The following BBS9 variants were observed in gnomAD, a reference collection of about 807,000 sequenced individuals.
The protein encoded by BBS9 is protein PTHB1.
In BBS9, 89 loss-of-function variants were observed where a neutral mutation model predicts 117.7. The observed-to-expected ratio is 0.76, with a 90% CI of 0.64 to 0.90. The LOEUF (loss-of-function observed/expected upper bound fraction) is 0.90. Among genes scored for constraint, BBS9 ranks in the 40% least tolerant of loss-of-function variants. The probability of loss-of-function intolerance (pLI) is 0.00; values close to 1 mark genes in which losing one functional copy is unlikely to be tolerated. For synonymous variants in BBS9, 379 were observed against 370.9 expected (o/e 1.02, Z -0.25); for missense variants, 982 against 1,042.2 (o/e 0.94, Z 0.80).
intron 4 of BBS9, among the ~76,000 whole-genome samples, chr7:33,164,922 A>G (rs1310978679): frequency 6.6e-6 from 1 of 152,110 alleles, no homozygotes; most frequent in African/African-American, 2.4e-5. Context: ...TCTTCCTAGC[A>G]TCGATGGTCT....
intron 21 of BBS9, among the ~76,000 whole-genome samples, chr7:33,569,687 G>A (rs770000431): frequency 2.0e-5 from 3 of 151,946 alleles, no homozygotes; most frequent in African/African-American, 4.8e-5. Context: ...GCGTGAACCC[G>A]GGAGGAGGAA....
At chr7:33,489,809 T>G (rs1341584445) in intron 19 of BBS9, among the ~76,000 whole-genome samples, 1 of 152,210 alleles carries the variant, frequency 6.6e-6, no homozygotes, top group Non-Finnish European at 1.5e-5. Flanking sequence ...TCATGAACGC[T>G]TCCACTATGA....
At chr7:33,266,978 C>T (rs1357046072) in intron 7 of BBS9, among the ~76,000 whole-genome samples, 4 of 152,168 alleles carry the variant, frequency 2.6e-5, no homozygotes, top group Admixed American at 2.0e-4. Flanking sequence ...CTCTTGACCT[C>T]GTGATCCGCC....
intron 13 of BBS9, among the ~76,000 whole-genome samples, chr7:33,350,321 T>C (rs1430910177): frequency 6.6e-6 from 1 of 152,050 alleles, no homozygotes; most frequent in African/African-American, 2.4e-5. Context: ...AATAAACGAT[T>C]GAGTGAAGTA....
intron 21 of BBS9, among the ~76,000 whole-genome samples, chr7:33,545,499 A>G (rs1853158672): frequency 6.6e-6 from 1 of 152,088 alleles, no homozygotes; most frequent in African/African-American, 2.4e-5. Flanking sequence ...TGTGTTCGGG[A>G]CAGGAGGGTC....
intron 19 of BBS9, among the ~76,000 whole-genome samples, chr7:33,403,974 C>A (rs1176370387): frequency 6.6e-6 from 1 of 152,108 alleles, no homozygotes; most frequent in Non-Finnish European, 1.5e-5. Flanking sequence ...CTCTCCAGCA[C>A]CTGTTGTTTC....
Position 33,264,277 on chromosome 7 carries a change from T to G in BBS9, c.618-13T>G. ...TAAACTCATTTATAATTTTTTAAAT[T>G]TCTTTCATACAGGTACCAGGTACTT... On this transcript the variant is annotated splice_polypyrimidine_tract_variant and intron_variant, in intron 6 of 22. Coordinates refer to ENST00000242067, the MANE Select transcript of BBS9 (RefSeq NM_198428.3). The G allele has an allele frequency of 7.0e-7, 1 of 1,426,634 alleles. No homozygotes were observed. The highest frequency in any genetic ancestry group is 9.3e-7 in the Non-Finnish European group (1 of 1,069,992). 88.4% of individuals were successfully genotyped at this position (1,426,634 alleles called of 1,614,324 possible).
intron 5 of BBS9, among the ~76,000 whole-genome samples, chr7:33,219,210 C>T (rs925710495): frequency 7.9e-5 from 12 of 152,324 alleles, no homozygotes; most frequent in East Asian, 1.9e-4. Context: ...GCTGCCTTCC[C>T]GTGGGGCAGG....
rs923185017 is a variant in BBS9, at chr7:33,573,432, T to G, written c.2522-31433T>G. ...TGAAATATACTCTTTTGCACTTTGA[T>G]TTTGCAGGGTAACAGTGTACCCTAG... On this transcript the variant is annotated intron_variant, in intron 21 of 22. Transcript: ENST00000242067. 7.9e-5 allele frequency among the ~76,000 whole-genome samples: 12 copies of G among 152,274 alleles called. 1 individual carries two copies. The highest frequency in any genetic ancestry group is 7.2e-4 in the Admixed American group (11 of 15,278).
chr7:33,540,926 G>A (rs568943441), intron 21 of BBS9, among the ~76,000 whole-genome samples: 1 of 152,092 alleles, frequency 6.6e-6, no homozygotes, highest in African/African-American at 2.4e-5. Flanking sequence ...CCATAATTTC[G>A]CACTTTGCTT....
Position 33,326,187 on chromosome 7 carries a change from G to C in BBS9, c.1017-10254G>C, listed in dbSNP as rs1201209684. Among the ~76,000 whole-genome samples the C allele has an allele frequency of 1.8e-4, 27 of 151,920 alleles. 1 individual carries two copies. Among genetic ancestry groups the C allele is most frequent in the Admixed American group, 1.8e-3 (27 of 15,258 alleles). On this transcript the variant is annotated intron_variant, in intron 9 of 22. Coordinates refer to ENST00000242067, the MANE Select transcript of BBS9 (RefSeq NM_198428.3). ...TGCTCTGTTTTAGTACAGTGAGCTG[G>C]TACTCAAGCCACAAGACAATGTCCT...
At chr7:33,558,729 G>A (rs2129107094) in intron 21 of BBS9, among the ~76,000 whole-genome samples, 1 of 152,256 alleles carries the variant, frequency 6.6e-6, no homozygotes, top group Middle Eastern at 3.4e-3. Context: ...CCCGCAGCAT[G>A]TTGAAATAGC....
intron 5 of BBS9, among the ~76,000 whole-genome samples, chr7:33,192,609 A>C (rs1784308179): frequency 6.6e-6 from 1 of 152,216 alleles, no homozygotes; most frequent in Non-Finnish European, 1.5e-5. Flanking sequence ...TCGTTACATT[A>C]AACCTGAGAT....
upstream of BBS9, chr7:33,129,414 CG>C: frequency 6.8e-6 from 2 of 293,770 alleles, no homozygotes; most frequent in Non-Finnish European, 1.3e-5. Flanking sequence ...GTGGTTCACT[CG>C]AGCCCCGCCC....
intron 21 of BBS9, among the ~76,000 whole-genome samples, chr7:33,619,290 A>G (rs1020365380): frequency 1.3e-5 from 2 of 152,222 alleles, no homozygotes; most frequent in Admixed American, 6.5e-5. Context: ...AAAGTGGTCA[A>G]TTCATCAAGA....
intron 21 of BBS9, among the ~76,000 whole-genome samples, chr7:33,574,733 A>ACGCG (rs1563385723): frequency 2.7e-5 from 4 of 148,212 alleles, no homozygotes; most frequent in Admixed American, 6.9e-5. Context: ...ACACGCGCAC[A>ACGCG]CACACACACT....
At chr7:33,371,941 G>A (rs1345011547) in intron 17 of BBS9, among the ~76,000 whole-genome samples, 3 of 152,156 alleles carry the variant, frequency 2.0e-5, no homozygotes, top group East Asian at 1.9e-4. Flanking sequence ...TGTTTTTAAT[G>A]AGACTGATTA....
chr7:33,133,282 T>G (rs980448221), intron 1 of BBS9, among the ~76,000 whole-genome samples: 1 of 152,236 alleles, frequency 6.6e-6, no homozygotes, highest in Non-Finnish European at 1.5e-5. Flanking sequence ...TTCACCCATT[T>G]AACACATAAA....
At chr7:33,177,457 T>C in intron 4 of BBS9, 21 bp from the exon 5 acceptor site, 7 of 1,462,250 alleles carry the variant, frequency 4.8e-6, no homozygotes, top group Non-Finnish European at 6.7e-6. Flanking sequence ...TACAAAGTAA[T>C]CCTTTTTTTT....
Sources: gnomAD v4.1 joint callset for allele counts (sites outside exome capture counted in the v4.1 genomes callset) on GRCh38, gnomAD v4.1.1 for gene constraint, MANE v1.5 for transcripts, NCBI Gene and HGNC (gene_info 2026-07-23, HGNC 2026-07-21) for gene names.